STARD13: variants seen among roughly 807,000 people sequenced by gnomAD.
STARD13 encodes the protein StAR related lipid transfer domain containing 13.
STARD13 carries 62 observed loss-of-function variants against 106.4 expected under a neutral mutation model. That is an observed-to-expected ratio of 0.58 (90% CI 0.48 to 0.72). The LOEUF (loss-of-function observed/expected upper bound fraction) is 0.72. Ranked by LOEUF, STARD13 falls within the 30% of genes least tolerant of loss-of-function variation. The pLI is 0.00. For synonymous variants in STARD13, 565 were observed against 553.0 expected (o/e 1.02, Z -0.31); for missense variants, 1,387 against 1,424.0 (o/e 0.97, Z 0.42).
the STARD13 span, among the ~76,000 whole-genome samples, chr13:33,568,389 A>G: frequency 1.3e-5 from 2 of 148,210 alleles, no homozygotes; most frequent in East Asian, 2.0e-4. Context: ...GCAAAATTCT[A>G]TAAGATACTT....
intron 1 of STARD13, among the ~76,000 whole-genome samples, chr13:33,184,129 C>T (rs183065908): frequency 7.9e-5 from 12 of 152,284 alleles, no homozygotes; most frequent in African/African-American, 2.9e-4. Flanking sequence ...GACACCTCCT[C>T]CAACAAACCT....
the STARD13 span, among the ~76,000 whole-genome samples, chr13:33,593,876 G>A: frequency 6.6e-6 from 1 of 151,972 alleles, no homozygotes; most frequent in African/African-American, 2.4e-5. Context: ...AGTTGCCTAA[G>A]CTCTTCCAAT....
chr13:33,364,838 G>C, the STARD13 span, among the ~76,000 whole-genome samples: 133 of 152,164 alleles, frequency 8.7e-4, no homozygotes, highest in Non-Finnish European at 1.5e-3. Flanking sequence ...GCAGTGAGCC[G>C]AGATGGCGCC....
At chr13:33,275,496 C>A (rs561640981) in intron 1 of STARD13, among the ~76,000 whole-genome samples, 5 of 152,004 alleles carry the variant, frequency 3.3e-5, no homozygotes, top group African/African-American at 1.2e-4. Flanking sequence ...GCCATTTTAC[C>A]CACAGAGGAA....
intron 10 of STARD13, among the ~76,000 whole-genome samples, chr13:33,111,546 C>T (rs1874570450): frequency 6.6e-6 from 1 of 152,204 alleles, no homozygotes; most frequent in Admixed American, 6.5e-5. Context: ...GCAGGTGATG[C>T]ACTGTTTGCA....
intron 1 of STARD13, among the ~76,000 whole-genome samples, chr13:33,314,457 T>A (rs1893254800): frequency 6.6e-6 from 1 of 152,188 alleles, no homozygotes; most frequent in South Asian, 2.1e-4. Context: ...GATAAGGACT[T>A]TGGCATAAGG....
chr13:33,259,704 C>A (rs1890541457), intron 1 of STARD13, among the ~76,000 whole-genome samples: 1 of 152,174 alleles, frequency 6.6e-6, no homozygotes, highest in Non-Finnish European at 1.5e-5. Flanking sequence ...AAAATCATTA[C>A]CAATATTCCA....
chr13:33,404,567 T>C, the STARD13 span, among the ~76,000 whole-genome samples: 33 of 152,162 alleles, frequency 2.2e-4, no homozygotes, highest in Non-Finnish European at 1.3e-4. Context: ...CTTAAAGGCA[T>C]GACTAAGAAC....
chr13:33,125,481 A>C (rs1166916685), intron 7 of STARD13, among the ~76,000 whole-genome samples: 2 of 152,186 alleles, frequency 1.3e-5, no homozygotes, highest in Non-Finnish European at 1.5e-5. Flanking sequence ...AAAGTCTCGG[A>C]GGCAGCAAAT....
At chr13:33,216,548 T>A (rs1326438848) in intron 1 of STARD13, among the ~76,000 whole-genome samples, 1 of 152,004 alleles carries the variant, frequency 6.6e-6, no homozygotes, top group Non-Finnish European at 1.5e-5. Flanking sequence ...CACAATGGAC[T>A]TTGGGGACTC....
intron 1 of STARD13, among the ~76,000 whole-genome samples, chr13:33,194,463 T>C (rs1424801671): frequency 6.6e-6 from 1 of 152,226 alleles, no homozygotes; most frequent in Non-Finnish European, 1.5e-5. Context: ...CTTGTAAATG[T>C]ACATTCTTTC....
At chr13:33,177,041 A>C (rs1884590170) in intron 1 of STARD13, among the ~76,000 whole-genome samples, 1 of 152,212 alleles carries the variant, frequency 6.6e-6, no homozygotes. Context: ...AAACAGCAGA[A>C]GTACATGCTA....
chr13:33,364,733 C>G, the STARD13 span, among the ~76,000 whole-genome samples: 1 of 152,114 alleles, frequency 6.6e-6, no homozygotes, highest in Non-Finnish European at 1.5e-5. Flanking sequence ...ACTAAAAATA[C>G]AGAAAATTAG....
At chr13:33,197,416 T>TTGTGTG (rs142681141) in intron 1 of STARD13, among the ~76,000 whole-genome samples, 59,662 of 147,936 alleles carry the variant, frequency 0.4, 13,170 homozygotes, top group Admixed American at 0.54. Context: ...AGGAAGAGAG[T>TTGTGTG]TGTGTGTGTG....
At position 33,177,768 on chromosome 13, in the gene STARD13, A is replaced by G. The variant is rs867554712; in HGVS notation, c.170-10146T>C. ...GAAGGAAAAAAGGAAGGAAGGAAGG[A>G]AAGGAAGGAAGGAAGGAAGGAAGGA... On this transcript the variant is annotated intron_variant, in intron 1 of 13. Transcript: ENST00000336934. Among the ~76,000 whole-genome samples, 16 of 50,634 alleles carry G rather than the reference A, an allele frequency of 3.2e-4. 1 individual carries two copies. The highest frequency in any genetic ancestry group is 4.0e-4 in the Non-Finnish European group (11 of 27,392). 33.2% of individuals were successfully genotyped at this position (50,634 alleles called of 152,430 possible). A position where few individuals can be genotyped will look rare whatever the true frequency, so the allele number is the denominator to read the frequency against.
chr13:33,548,261 G>C, the STARD13 span, among the ~76,000 whole-genome samples: 1 of 152,162 alleles, frequency 6.6e-6, no homozygotes, highest in African/African-American at 2.4e-5. Context: ...ATGAGAACAA[G>C]AGGACATGGA....
At chr13:33,509,435 G>T in the STARD13 span, among the ~76,000 whole-genome samples, 1 of 152,156 alleles carries the variant, frequency 6.6e-6, no homozygotes, top group African/African-American at 2.4e-5. Flanking sequence ...CCAGGGATCT[G>T]GGTTCCAAAC....
the STARD13 span, among the ~76,000 whole-genome samples, chr13:33,568,724 A>G: frequency 1.3e-5 from 2 of 148,224 alleles, 1 homozygote; most frequent in Non-Finnish European, 3.0e-5. Flanking sequence ...TTTATTCAGT[A>G]TATTTATAAG....
chr13:33,269,671 A>T (rs879631064), intron 1 of STARD13, among the ~76,000 whole-genome samples: 11 of 152,194 alleles, frequency 7.2e-5, no homozygotes, highest in Admixed American at 2.6e-4. Flanking sequence ...AGTACCTTTC[A>T]CTTTAAAAGG....
Sources: allele counts gnomAD v4.1 joint callset (sites outside exome capture counted in the v4.1 genomes callset), GRCh38; gene constraint gnomAD v4.1.1; transcripts MANE v1.5; gene names NCBI Gene and HGNC (gene_info 2026-07-23, HGNC 2026-07-21).